The following KIAA1217 variants were observed in gnomAD, a reference collection of about 807,000 sequenced individuals.
KIAA1217 encodes the protein sickle tail protein homolog.
A neutral mutation model predicts 163.9 loss-of-function variants in KIAA1217; 88 were observed. The ratio of observed to expected loss-of-function variants is 0.54; its 90% confidence interval spans 0.45 to 0.64. KIAA1217 has a LOEUF of 0.64. Ranked by LOEUF, KIAA1217 falls within the 30% of genes least tolerant of loss-of-function variation. The pLI is 0.00. For synonymous variants in KIAA1217, 903 were observed against 923.1 expected (o/e 0.98, Z 0.39); for missense variants, 2,372 against 2,475.0 (o/e 0.96, Z 0.88).
chr10:23,794,020 A>C (rs914334097), intron 1 of KIAA1217, among the ~76,000 whole-genome samples: 1 of 152,218 alleles, frequency 6.6e-6, no homozygotes, highest in East Asian at 1.9e-4. Context: ...TTGCCCTTCC[A>C]AATAGTCTTC....
chr10:24,315,679 G>A (rs1336771946), intron 2 of KIAA1217, among the ~76,000 whole-genome samples: 1 of 151,954 alleles, frequency 6.6e-6, no homozygotes, highest in Non-Finnish European at 1.5e-5. Context: ...CAGGAGGATC[G>A]AAGTCAAGGC....
intron 9 of KIAA1217, among the ~76,000 whole-genome samples, chr10:24,508,244 A>G (rs190171970): frequency 1.3e-5 from 2 of 152,334 alleles, no homozygotes; most frequent in Admixed American, 1.3e-4. Flanking sequence ...ATTTGACCTT[A>G]TTAACAGAAA....
intron 1 of KIAA1217, among the ~76,000 whole-genome samples, chr10:23,719,451 C>T (rs550518158): frequency 3.9e-4 from 59 of 152,148 alleles, no homozygotes; most frequent in African/African-American, 1.1e-3. Flanking sequence ...TGTGGTGGCA[C>T]ACACCTATAG....
chr10:23,988,986 C>T (rs902242995), intron 1 of KIAA1217, among the ~76,000 whole-genome samples: 6 of 152,044 alleles, frequency 3.9e-5, no homozygotes, highest in Non-Finnish European at 7.4e-5. Flanking sequence ...TATAAAACAC[C>T]GATTTGCTGA....
chr10:24,450,674 G>A (rs1031425697), intron 5 of KIAA1217, among the ~76,000 whole-genome samples: 56 of 152,248 alleles, frequency 3.7e-4, no homozygotes, highest in African/African-American at 1.2e-3. Context: ...TGTGGTTTAC[G>A]TAATATCTAT....
chr10:24,008,733 T>C (rs1589227230), intron 2 of KIAA1217, among the ~76,000 whole-genome samples: 1 of 152,194 alleles, frequency 6.6e-6, no homozygotes, highest in East Asian at 1.9e-4. Flanking sequence ...TGACTGTCTC[T>C]GCCAAACCAG....
intron 2 of KIAA1217, among the ~76,000 whole-genome samples, chr10:24,150,786 C>G (rs1055521983): frequency 2.6e-5 from 4 of 152,036 alleles, no homozygotes; most frequent in African/African-American, 7.2e-5. Flanking sequence ...GCTTCCTTCT[C>G]GGTAGCTGAA....
rs534047399 is a variant in KIAA1217 at position 24,230,827 on chromosome 10, T to A, written c.354+10918T>A. On this transcript the variant is annotated intron_variant, in intron 2 of 20. Transcript: ENST00000376454. The stretch of plus-strand genomic sequence containing the variant: ...ATTACAGGTGTGGGGTAGGCACTAC[T>A]ATTAACTATAGTTAACAGAATGGGA... Among the ~76,000 whole-genome samples, 15 of 152,296 alleles carry A rather than the reference T, an allele frequency of 9.8e-5. No individual in the cohort carries two copies. In the Middle Eastern group the frequency reaches 0.01, roughly 104 times the overall value.
At chr10:23,871,734 G>A (rs1318344871) in intron 1 of KIAA1217, among the ~76,000 whole-genome samples, 1 of 152,064 alleles carries the variant, frequency 6.6e-6, no homozygotes, top group Non-Finnish European at 1.5e-5. Context: ...CAGTACTGAC[G>A]TCTTTTCAAG....
At chr10:23,770,574 G>A (rs917839358) in intron 1 of KIAA1217, among the ~76,000 whole-genome samples, 2 of 152,138 alleles carry the variant, frequency 1.3e-5, no homozygotes, top group Non-Finnish European at 2.9e-5. Context: ...GGATGGAGAA[G>A]ACCCTGGAAG....
At chr10:23,949,638 A>T (rs1399000628) in intron 1 of KIAA1217, among the ~76,000 whole-genome samples, 1 of 152,140 alleles carries the variant, frequency 6.6e-6, no homozygotes, top group African/African-American at 2.4e-5. Context: ...TAAAGAAAAG[A>T]CTGCCTGGTG....
intron 3 of KIAA1217, among the ~76,000 whole-genome samples, chr10:24,387,939 T>C (rs1162115345): frequency 6.6e-6 from 1 of 152,104 alleles, no homozygotes; most frequent in Non-Finnish European, 1.5e-5. Flanking sequence ...TCCATGCTCA[T>C]GGATAGGAAG....
chr10:23,959,489 G>A (rs1247868521), intron 1 of KIAA1217, among the ~76,000 whole-genome samples: 1 of 152,176 alleles, frequency 6.6e-6, no homozygotes, highest in African/African-American at 2.4e-5. Context: ...ACTTCAGTCT[G>A]GGTAACAGAG....
At chr10:24,195,793 G>A (rs1205523352) in intron 2 of KIAA1217, among the ~76,000 whole-genome samples, 2 of 152,148 alleles carry the variant, frequency 1.3e-5, no homozygotes, top group African/African-American at 4.8e-5. Context: ...GTTTTTGTTA[G>A]TTTTTACAAA....
chr10:24,304,959 C>T (rs2041839720), intron 2 of KIAA1217, among the ~76,000 whole-genome samples: 2 of 151,948 alleles, frequency 1.3e-5, no homozygotes, highest in Admixed American at 1.3e-4. Context: ...GCCCAGGGTA[C>T]AGTGATGGGA....
intron 2 of KIAA1217, among the ~76,000 whole-genome samples, chr10:24,306,670 C>T (rs561951695): frequency 5.9e-5 from 9 of 152,214 alleles, no homozygotes; most frequent in Non-Finnish European, 1.2e-4. Flanking sequence ...AGAAGTAATA[C>T]TTTCAACAGC....
At chr10:23,949,569 A>T (rs1170668278) in intron 1 of KIAA1217, among the ~76,000 whole-genome samples, 1 of 151,966 alleles carries the variant, frequency 6.6e-6, no homozygotes, top group East Asian at 1.9e-4. Flanking sequence ...TAGAAAAAAA[A>T]TAGACAGGAA....
intron 6 of KIAA1217, among the ~76,000 whole-genome samples, chr10:24,476,570 C>T (rs1036662504): frequency 1.2e-4 from 19 of 152,142 alleles, no homozygotes; most frequent in Admixed American, 2.0e-4. Flanking sequence ...TGAATATTCA[C>T]CTAAAATACA....
intron 1 of KIAA1217, among the ~76,000 whole-genome samples, chr10:23,745,146 A>G (rs1839328806): frequency 6.6e-6 from 1 of 152,194 alleles, no homozygotes; most frequent in African/African-American, 2.4e-5. Flanking sequence ...TTAGAGCTCA[A>G]TGTCTCTTGA....
Sources: gnomAD v4.1 joint callset for allele counts (sites outside exome capture counted in the v4.1 genomes callset) on GRCh38, gnomAD v4.1.1 for gene constraint, MANE v1.5 for transcripts, NCBI Gene and HGNC (gene_info 2026-07-23, HGNC 2026-07-21) for gene names.